TBCB: variants seen among roughly 807,000 people sequenced by gnomAD.
TBCB encodes the protein tubulin-folding cofactor B.
Under a neutral mutation model 29.2 loss-of-function variants are expected in TBCB, and 18 were observed. The observed-to-expected ratio is 0.62, with a 90% confidence interval of 0.43 to 0.91. TBCB has a LOEUF of 0.91. Ranked by LOEUF, TBCB falls within the 40% of genes least tolerant of loss-of-function variation. The pLI is 0.00. For missense variants in TBCB, 336 were observed against 337.6 expected (o/e 1.00, Z 0.04); for synonymous variants, 172 against 137.8 (o/e 1.25, Z -1.74).
At position 36,118,154 on chromosome 19, in the gene TBCB, G is replaced by A. The variant is rs569840535; in HGVS notation, c.258+1970G>A. Among the ~76,000 whole-genome samples the A allele has an allele frequency of 5.9e-5, 9 of 152,234 alleles. No individual in the cohort carries two copies. In the South Asian group the frequency reaches 1.0e-3, roughly 18 times the overall value. On this transcript the variant is annotated intron_variant, in intron 2 of 5. Transcript: ENST00000221855. The stretch of plus-strand genomic sequence containing the variant: ...GAGAGAACTGCTTCTTTTTTCTCTC[G>A]TTGATTAACTGTTCATTCCCCATCT...
At chr19:36,123,868 C>T (rs1974097335) in intron 4 of TBCB, among the ~76,000 whole-genome samples, 1 of 152,116 alleles carries the variant, frequency 6.6e-6, no homozygotes, top group Admixed American at 6.6e-5. Context: ...ATGCAAGACT[C>T]CATCTCAAAA....
chr19:36,117,091 A>G (rs1973968320), intron 2 of TBCB, among the ~76,000 whole-genome samples: 1 of 152,198 alleles, frequency 6.6e-6, no homozygotes, highest in South Asian at 2.1e-4. Context: ...TCAGTATTCT[A>G]GTGAAGTCTT....
intron 2 of TBCB, chr19:36,120,507 T>G: frequency 3.6e-6 from 2 of 553,646 alleles, no homozygotes; most frequent in East Asian, 3.0e-5. Context: ...TCTGGGAGCT[T>G]GGATGGGGGT....
intron 2 of TBCB, chr19:36,116,434 G>T (rs1973956088): frequency 2.3e-6 from 1 of 431,836 alleles, no homozygotes. Flanking sequence ...GGGAGAATCA[G>T]AGAGGGCTTC....
Position 36,121,580 on chromosome 19 carries a change from G to T in TBCB, c.409G>T (p.Glu137Ter). 6.4e-7 allele frequency: 1 copy of T among 1,558,190 alleles called. No homozygotes were observed. The highest frequency in any genetic ancestry group is 2.4e-5 in the East Asian group (1 of 41,788). Residue 137 changes from glutamate to a stop codon, truncating the protein, a stop_gained, in exon 4 of 6, where the codon GAG becomes TAG. Transcript: ENST00000221855. LOFTEE classifies it high-confidence loss of function. Reference sequence around the variant, plus strand: ...CAAGCTCGGCCGGTACAACGAGGAGGAGCGGGCTCAGCAGGAGGCCGAGGC... The same window carrying T: ...CAAGCTCGGCCGGTACAACGAGGAGTAGCGGGCTCAGCAGGAGGCCGAGGC... ...RSKLGRYNEE[E>*]RAQQEAEAAQ...
intron 3 of TBCB, 121 bp from the exon 4 acceptor site, chr19:36,121,406 G>A (rs1974046921): frequency 8.0e-7 from 1 of 1,245,328 alleles, no homozygotes; most frequent in Non-Finnish European, 1.1e-6. Flanking sequence ...GGGCTTGGGT[G>A]ACAGCCCTTT....
intron 4 of TBCB, among the ~76,000 whole-genome samples, chr19:36,124,618 G>A (rs964915289): frequency 4.7e-5 from 7 of 148,008 alleles, no homozygotes; most frequent in South Asian, 4.3e-4. Context: ...CAGCTCGCTC[G>A]TTCCAACCTC....
At chr19:36,114,981 T>C, upstream of TBCB, 1 of 964,540 alleles carries the variant, frequency 1.0e-6, no homozygotes, top group South Asian at 1.5e-5. The surrounding 1 kb of genome is among the most constrained non-coding windows in gnomAD (Gnocchi z 4.5). Context: ...ACGTGCTGGC[T>C]CCCCGCCGCC....
chr19:36,115,470 T>C lies in TBCB; in HGVS notation c.-91T>C. On this transcript the variant is annotated 5_prime_UTR_variant, in exon 1 of 6. Coordinates refer to ENST00000221855, the MANE Select transcript of TBCB (RefSeq NM_001281.3). Reference sequence around the variant, plus strand: ...TCAGGCACGGAGCAGGAGGCGGGGCTGATAGCCCAGCAGCAGCAGCGGCGG... The same window carrying C: ...TCAGGCACGGAGCAGGAGGCGGGGCCGATAGCCCAGCAGCAGCAGCGGCGG... 1.0e-6 allele frequency: 1 copy of C among 989,542 alleles called. No individual in the cohort carries two copies. The highest frequency in any genetic ancestry group is 1.5e-6 in the Non-Finnish European group (1 of 654,330). The allele number at this position is 989,542 out of a possible 1,614,324, so 61.3% of individuals were successfully genotyped here.
At chr19:36,121,484 C>T (rs770754202) in intron 3 of TBCB, 43 bp from the exon 4 acceptor site, 10 of 1,524,616 alleles carry the variant, frequency 6.6e-6, no homozygotes, top group Non-Finnish European at 8.8e-6. Context: ...TCCTGTTAGG[C>T]CCGGCCGACA....
At chr19:36,122,913 G>A (rs955171177) in intron 4 of TBCB, among the ~76,000 whole-genome samples, 5 of 152,124 alleles carry the variant, frequency 3.3e-5, no homozygotes, top group Non-Finnish European at 7.4e-5. Flanking sequence ...CCACCCTCCT[G>A]TTTCTGGCAT....
chr19:36,124,812 G>C (rs531082662), intron 4 of TBCB, among the ~76,000 whole-genome samples: 1 of 152,250 alleles, frequency 6.6e-6, no homozygotes, highest in Admixed American at 6.5e-5. Context: ...TAAAGTGCTG[G>C]GATTACAGGC....
chr19:36,116,028 C>T lies in TBCB; in HGVS notation c.115-13C>T, dbSNP rs1168512653. On this transcript the variant is annotated splice_polypyrimidine_tract_variant and intron_variant, in intron 1 of 5. Coordinates refer to ENST00000221855, the MANE Select transcript of TBCB (RefSeq NM_001281.3). ...CGTGGCCTCCTTCTTCTCACCCTGC[C>T]TCCTCCTCACAGTGTAAACTGGAGT... 3 of 1,610,600 alleles carry T rather than the reference C, an allele frequency of 1.9e-6. No individual in the cohort carries two copies. Among genetic ancestry groups the T allele is most frequent in the Admixed American group, 1.7e-5 (1 of 59,884 alleles).
At chr19:36,115,904 A>C in intron 1 of TBCB, 137 bp from the exon 2 acceptor site, 1 of 1,294,542 alleles carries the variant, frequency 7.7e-7, no homozygotes, top group Admixed American at 2.2e-5. Context: ...CGGGGGCAAG[A>C]GGCGAGGGGC....
intron 4 of TBCB, among the ~76,000 whole-genome samples, chr19:36,122,331 G>A (rs970190367): frequency 1.3e-5 from 2 of 152,032 alleles, no homozygotes; most frequent in Non-Finnish European, 2.9e-5. Flanking sequence ...TGTAAACTCA[G>A]CACTTTGGGA....
intron 5 of TBCB, 65 bp from the exon 6 acceptor site, chr19:36,125,603 C>T: frequency 6.2e-7 from 1 of 1,605,478 alleles, no homozygotes; most frequent in Non-Finnish European, 8.5e-7. Flanking sequence ...GCTGCCCATG[C>T]CAGCTTCTAG....
At chr19:36,120,883 C>A (rs1033736939) in intron 3 of TBCB, 77 bp downstream of exon 3, 2 of 1,416,444 alleles carry the variant, frequency 1.4e-6, no homozygotes, top group Admixed American at 1.8e-5. Flanking sequence ...GCAGGTTAGA[C>A]AGGGCCCCTG....
At chr19:36,119,708 A>G (rs1371509441) in intron 2 of TBCB, among the ~76,000 whole-genome samples, 1 of 152,156 alleles carries the variant, frequency 6.6e-6, no homozygotes, top group Non-Finnish European at 1.5e-5. Flanking sequence ...CCTGACCAGC[A>G]TGGCAAAATG....
At chr19:36,120,390 C>A in intron 2 of TBCB, 1 of 363,718 alleles carries the variant, frequency 2.7e-6, no homozygotes. Context: ...GCGCTGTGCA[C>A]AGGGCTGTGG....
Sources: gnomAD v4.1 joint callset for allele counts (sites outside exome capture counted in the v4.1 genomes callset) on GRCh38, gnomAD v4.1.1 for gene constraint, Gnocchi (gnomAD v3.1) non-coding constraint, MANE v1.5 for transcripts, NCBI Gene and HGNC (gene_info 2026-07-23, HGNC 2026-07-21) for gene names.